Variants in NFU1 observed in about 807,000 individuals in gnomAD.
The protein encoded by NFU1 is NFU1 iron-sulfur cluster scaffold, also known as NFU1 iron-sulfur cluster scaffold homolog, mitochondrial.
Under a neutral mutation model 32.2 loss-of-function variants are expected in NFU1, and 30 were observed. The ratio of observed to expected loss-of-function variants is 0.93; its 90% CI spans 0.70 to 1.26. The LOEUF is 1.26. NFU1 is among the 50% of genes most tolerant of loss of function. The pLI, the probability that NFU1 is intolerant of heterozygous loss-of-function variation, is 0.00. For missense variants in NFU1, 306 were observed against 306.6 expected, an observed-to-expected ratio of 1.00 and a Z score of 0.02; for synonymous variants, 112 against 104.6, an observed-to-expected ratio of 1.07 and a Z score of -0.43.
At chr2:69,433,709 A>C (rs10176366) in intron 1 of NFU1, among the ~76,000 whole-genome samples, 103,114 of 152,002 alleles carry the variant, frequency 0.68, 36,477 homozygotes, top group African/African-American at 0.9. Flanking sequence ...CTCCTGACCT[A>C]AAGTGATCCA....
At chr2:69,419,734 G>A in intron 3 of NFU1, 130 bp from the exon 4 acceptor site, 3 of 657,704 alleles carry the variant, frequency 4.6e-6, no homozygotes. Flanking sequence ...TCAACTCATG[G>A]CCAATTTTGT....
chr2:69,437,705 C>A, upstream of NFU1: 1 of 557,796 alleles, frequency 1.8e-6, no homozygotes. Context: ...TCCCTGTTGG[C>A]TAGGTTTTTA....
At chr2:69,420,539 G>T (rs1206984989) in intron 3 of NFU1, among the ~76,000 whole-genome samples, 1 of 152,052 alleles carries the variant, frequency 6.6e-6, no homozygotes, top group Non-Finnish European at 1.5e-5. Context: ...AGATCTTTTT[G>T]TCAGTGCATT....
At chr2:69,435,986 C>T (rs371528988) in intron 1 of NFU1, among the ~76,000 whole-genome samples, 1 of 151,814 alleles carries the variant, frequency 6.6e-6, no homozygotes, top group South Asian at 2.1e-4. Flanking sequence ...TCAGCCAATC[C>T]GCCCAGCTTG....
At chr2:69,431,580 T>G (rs1574152787) in intron 2 of NFU1, among the ~76,000 whole-genome samples, 1 of 152,226 alleles carries the variant, frequency 6.6e-6, no homozygotes, top group East Asian at 1.9e-4. Flanking sequence ...GTACTGGGAT[T>G]ACAGGCATGA....
chr2:69,434,141 T>C (rs940462463), intron 1 of NFU1, among the ~76,000 whole-genome samples: 25 of 151,012 alleles, frequency 1.7e-4, no homozygotes, highest in South Asian at 1.5e-3. Context: ...CACTTCACTT[T>C]TTTTTTTCTT....
At chr2:69,418,764 C>G (rs1004185112) in intron 4 of NFU1, among the ~76,000 whole-genome samples, 1 of 151,842 alleles carries the variant, frequency 6.6e-6, no homozygotes, top group African/African-American at 2.4e-5. Flanking sequence ...CCACCACACC[C>G]GGCCCCCAGT....
chr2:69,423,244 G>C (rs1651885119), intron 3 of NFU1, among the ~76,000 whole-genome samples: 1 of 2,882 alleles, frequency 3.5e-4, no homozygotes, highest in African/African-American at 3.3e-3. Context: ...CTCTGTGTGA[G>C]TGTGTGTGTG....
At chr2:69,438,179 C>T (rs1322175605), upstream of NFU1, among the ~76,000 whole-genome samples, 2 of 152,010 alleles carry the variant, frequency 1.3e-5, no homozygotes, top group Non-Finnish European at 2.9e-5. Context: ...TGTTAGAAAT[C>T]CTGGGCCCCA....
chr2:69,424,367 C>T (rs958314041), intron 2 of NFU1, among the ~76,000 whole-genome samples: 4 of 151,346 alleles, frequency 2.6e-5, no homozygotes, highest in Non-Finnish European at 5.9e-5. Flanking sequence ...CGGTTCACTA[C>T]GACCTCAAAT....
chr2:69,439,202 A>C (rs1283574751), upstream of NFU1, among the ~76,000 whole-genome samples: 1 of 152,026 alleles, frequency 6.6e-6, no homozygotes, highest in African/African-American at 2.4e-5. Flanking sequence ...TCTATGTCCC[A>C]CCATTCTTAG....
At chr2:69,430,058 G>T (rs906241382) in intron 2 of NFU1, 5 of 299,532 alleles carry the variant, frequency 1.7e-5, no homozygotes, top group Non-Finnish European at 3.3e-5. Context: ...CACCTAATTT[G>T]AATAGGTACT....
intron 1 of NFU1, among the ~76,000 whole-genome samples, chr2:69,435,542 G>A (rs1673800915): frequency 6.6e-6 from 1 of 152,096 alleles, no homozygotes; most frequent in African/African-American, 2.4e-5. Context: ...ATCTTTATAT[G>A]CCATTGATAA....
chr2:69,424,198 A>AAAAT (rs1558840147), intron 2 of NFU1, among the ~76,000 whole-genome samples: 14 of 74,536 alleles, frequency 1.9e-4, no homozygotes, highest in Non-Finnish European at 2.6e-4. Flanking sequence ...AAAAAAAAAA[A>AAAAT]ATATATATAT....
chr2:69,408,965 A>C (rs1672794328), intron 5 of NFU1, among the ~76,000 whole-genome samples: 1 of 141,798 alleles, frequency 7.1e-6, no homozygotes, highest in Non-Finnish European at 1.5e-5. Context: ...TCAGCCTCCT[A>C]AGTAGTTGGA....
At chr2:69,400,215 T>C (rs555758534) in intron 7 of NFU1, 149 bp downstream of exon 7, 107 of 722,868 alleles carry the variant, frequency 1.5e-4, no homozygotes, top group South Asian at 1.0e-3. Context: ...CTGATAAAAA[T>C]TGCAACACAA....
chr2:69,408,288 C>A (rs1404830367), intron 5 of NFU1, among the ~76,000 whole-genome samples: 1 of 152,180 alleles, frequency 6.6e-6, no homozygotes, highest in Non-Finnish European at 1.5e-5. Flanking sequence ...TTAGCATATA[C>A]AAATATGCCT....
At chr2:69,422,836 C>A (rs112076318) in intron 3 of NFU1, among the ~76,000 whole-genome samples, 20,970 of 152,056 alleles carry the variant, frequency 0.14, 1,609 homozygotes, top group Non-Finnish European at 0.17. Context: ...CCACCTCAGC[C>A]TCCCTAGTAG....
intron 7 of NFU1, chr2:69,399,226 A>AAT (rs1393235156): frequency 3.2e-6 from 1 of 316,388 alleles, no homozygotes; most frequent in African/African-American, 2.3e-5. Flanking sequence ...AAAAAAAAAA[A>AAT]AGAATGAATT....
Sources: gnomAD v4.1 joint callset for allele counts (sites outside exome capture counted in the v4.1 genomes callset) on GRCh38, gnomAD v4.1.1 for gene constraint, MANE v1.5 for transcripts, NCBI Gene and HGNC (gene_info 2026-07-23, HGNC 2026-07-21) for gene names.